Variants in TAFA5 observed in about 807,000 individuals in gnomAD.
TAFA5 encodes chemokine-like protein TAFA-5.
In TAFA5, 6 loss-of-function variants were observed where a neutral mutation model predicts 15.3. The ratio of observed to expected loss-of-function variants is 0.39; its 90% CI spans 0.21 to 0.77. The LOEUF (loss-of-function observed/expected upper bound fraction) is 0.77. TAFA5 is among the 30% of genes least tolerant of loss of function. The pLI, the probability that TAFA5 is intolerant of heterozygous loss-of-function variation, is 0.41. For missense variants in TAFA5, 161 were observed against 193.1 expected (o/e 0.83, Z 0.98); for synonymous variants, 103 against 80.7 (o/e 1.28, Z -1.48).
At chr22:48,691,516 A>G (rs4925437) in intron 2 of TAFA5, among the ~76,000 whole-genome samples, 94,085 of 152,108 alleles carry the variant, frequency 0.62, 29,465 homozygotes, top group African/African-American at 0.69. Flanking sequence ...TGTGCTGAGC[A>G]CCCAGGGCAG....
At chr22:48,580,907 G>C (rs1601592594) in intron 1 of TAFA5, among the ~76,000 whole-genome samples, 2 of 152,070 alleles carry the variant, frequency 1.3e-5, no homozygotes, top group South Asian at 4.1e-4. Context: ...CCCTGATGAG[G>C]TGTGCAGGCA....
At chr22:48,747,729 T>G (rs1930368248) in intron 3 of TAFA5, among the ~76,000 whole-genome samples, 1 of 151,942 alleles carries the variant, frequency 6.6e-6, no homozygotes, top group Non-Finnish European at 1.5e-5. Context: ...AAAGTCCATC[T>G]CTACTAAAAA....
chr22:48,642,425 C>A (rs563759227), intron 1 of TAFA5, among the ~76,000 whole-genome samples: 171 of 152,274 alleles, frequency 1.1e-3, no homozygotes, highest in African/African-American at 3.8e-3. Context: ...CCTGGTGGGC[C>A]CGCCCTCCCT....
chr22:48,655,328 T>G (rs1927197249), intron 2 of TAFA5, among the ~76,000 whole-genome samples: 1 of 152,260 alleles, frequency 6.6e-6, no homozygotes, highest in Non-Finnish European at 1.5e-5. Flanking sequence ...AGTACTTGGA[T>G]ATTTCTGTCT....
In TAFA5 at chr22:48,633,864, T is replaced by G. The variant is rs1043337291; in HGVS notation, c.113-12733T>G. On this transcript the variant is annotated intron_variant, in intron 1 of 3. Transcript: ENST00000402357. ...GAAATTGAATGTTCATTTATAGTGT[T>G]GATTTGATTTCTCAGGGATGTGTGT... Among the ~76,000 whole-genome samples, 5 of 152,330 alleles carry G rather than the reference T, an allele frequency of 3.3e-5. No homozygotes were observed. In the East Asian group the frequency reaches 7.7e-4, roughly 24 times the overall value.
chr22:48,644,836 G>T (rs759232620), intron 1 of TAFA5, among the ~76,000 whole-genome samples: 1 of 152,180 alleles, frequency 6.6e-6, no homozygotes, highest in Non-Finnish European at 1.5e-5. Context: ...GCCACCCTTC[G>T]TCCCTCACGC....
intron 3 of TAFA5, among the ~76,000 whole-genome samples, chr22:48,723,926 T>C (rs1322593700): frequency 6.6e-6 from 1 of 152,242 alleles, no homozygotes; most frequent in Non-Finnish European, 1.5e-5. Context: ...CTGGAATGTC[T>C]ACATGCCCGA....
chr22:48,744,962 G>A (rs1174016705), intron 3 of TAFA5, among the ~76,000 whole-genome samples: 1 of 152,174 alleles, frequency 6.6e-6, no homozygotes, highest in East Asian at 1.9e-4. Flanking sequence ...CACCGTGTTA[G>A]TCAGGATGGT....
At chr22:48,671,227 C>T (rs890149976) in intron 2 of TAFA5, among the ~76,000 whole-genome samples, 1 of 152,170 alleles carries the variant, frequency 6.6e-6, no homozygotes, top group African/African-American at 2.4e-5. Flanking sequence ...TTCGGGGAAA[C>T]AGCCAGGAGG....
chr22:48,590,832 T>G (rs572004657), intron 1 of TAFA5, among the ~76,000 whole-genome samples: 2 of 152,026 alleles, frequency 1.3e-5, no homozygotes, highest in Admixed American at 6.6e-5. Flanking sequence ...TGTTTAGTCT[T>G]TTTGTTCATG....
rs563831739 is a variant in TAFA5 at position 48,555,779 on chromosome 22, C to T, written c.112+66075C>T. On this transcript the variant is annotated intron_variant, in intron 1 of 3. Coordinates refer to ENST00000402357, the MANE Select transcript of TAFA5 (RefSeq NM_001082967.3). ...GTCCAGGAGACCTACCCGAGGGCATCGGGCAAGATACGGGGGTGGGGATGG... is the reference window on the plus strand; with the variant it reads ...GTCCAGGAGACCTACCCGAGGGCATTGGGCAAGATACGGGGGTGGGGATGG... 5.9e-5 allele frequency among the ~76,000 whole-genome samples: 9 copies of T among 152,186 alleles called. No homozygotes were observed. The East Asian group carries it at 1.4e-3, about 23-fold the overall frequency.
At chr22:48,701,960 C>CT (rs749647688) in intron 2 of TAFA5, among the ~76,000 whole-genome samples, 1 of 152,144 alleles carries the variant, frequency 6.6e-6, no homozygotes, top group Non-Finnish European at 1.5e-5. Context: ...GAGCTGGCCT[C>CT]TGTCTGGGGA....
At position 48,670,472 on chromosome 22, in the gene TAFA5, T is replaced by C. The variant is rs118147828; in HGVS notation, c.262+23726T>C. 2.8e-3 allele frequency among the ~76,000 whole-genome samples: 429 copies of C among 152,350 alleles called. 14 individuals are homozygous for C. In the East Asian group the frequency reaches 0.063, roughly 22 times the overall value. On this transcript the variant is annotated intron_variant, in intron 2 of 3. Coordinates refer to ENST00000402357, the MANE Select transcript of TAFA5 (RefSeq NM_001082967.3). Reference sequence around the variant, plus strand: ...GCCAGCCTTTTAGAGGCTAAGCCCATGGCGGGCTGTCAGCTCAGACTCAGG... The same window carrying C: ...GCCAGCCTTTTAGAGGCTAAGCCCACGGCGGGCTGTCAGCTCAGACTCAGG...
chr22:48,537,351 A>T (rs1922204820), intron 1 of TAFA5, among the ~76,000 whole-genome samples: 1 of 152,174 alleles, frequency 6.6e-6, no homozygotes, highest in Admixed American at 6.5e-5. Context: ...GGGTCTGGCC[A>T]TGGGAGCTCA....
intron 3 of TAFA5, among the ~76,000 whole-genome samples, chr22:48,746,959 C>G (rs952127647): frequency 6.6e-6 from 1 of 152,188 alleles, no homozygotes; most frequent in African/African-American, 2.4e-5. Flanking sequence ...GCCAGCACCT[C>G]CCTTCCAGTA....
At chr22:48,711,132 T>G (rs546454309) in intron 3 of TAFA5, among the ~76,000 whole-genome samples, 21 of 152,166 alleles carry the variant, frequency 1.4e-4, no homozygotes, top group Non-Finnish European at 3.1e-4. Flanking sequence ...GGTGGGAGTC[T>G]GACTGTAGCA....
intron 1 of TAFA5, among the ~76,000 whole-genome samples, chr22:48,553,601 C>G (rs1339234296): frequency 6.6e-6 from 1 of 152,144 alleles, no homozygotes; most frequent in Non-Finnish European, 1.5e-5. Flanking sequence ...GCACCACTGT[C>G]CTTGACTCTG....
At chr22:48,559,486 C>A (rs1233936902) in intron 1 of TAFA5, among the ~76,000 whole-genome samples, 1 of 152,130 alleles carries the variant, frequency 6.6e-6, no homozygotes, top group Non-Finnish European at 1.5e-5. Context: ...CCTCCTCTGA[C>A]CCTGGTGGTC....
intron 1 of TAFA5, among the ~76,000 whole-genome samples, chr22:48,495,535 G>A (rs942410765): frequency 1.3e-5 from 2 of 152,140 alleles, no homozygotes; most frequent in Admixed American, 1.3e-4. Context: ...TCTGGATCTG[G>A]TTTCCATCTG....
Sources: allele counts gnomAD v4.1 joint callset (sites outside exome capture counted in the v4.1 genomes callset), GRCh38; gene constraint gnomAD v4.1.1; transcripts MANE v1.5; gene names NCBI Gene and HGNC (gene_info 2026-07-23, HGNC 2026-07-21).